CMTM4: variants seen among roughly 807,000 people sequenced by gnomAD.
CMTM4 encodes CKLF like MARVEL transmembrane domain containing 4.
Under a neutral mutation model 19.0 loss-of-function variants are expected in CMTM4, and 8 were observed. That is an observed-to-expected ratio of 0.42 (90% CI 0.25 to 0.76). CMTM4 has a LOEUF of 0.76. CMTM4 is among the 30% of genes least tolerant of loss of function. CMTM4 has a pLI of 0.27. For missense variants in CMTM4, 228 were observed against 290.2 expected, an observed-to-expected ratio of 0.79 and a Z score of 1.56; for synonymous variants, 106 against 121.1, an observed-to-expected ratio of 0.88 and a Z score of 0.82.
intron 2 of CMTM4, among the ~76,000 whole-genome samples, chr16:66,634,559 G>C (rs915831881): frequency 6.6e-6 from 1 of 152,234 alleles, no homozygotes; most frequent in East Asian, 1.9e-4. Context: ...ATGGCTGTCA[G>C]ATAAATGGAC....
chr16:66,685,746 C>T lies in CMTM4; in HGVS notation c.186+10594G>A, dbSNP rs942526740. Among the ~76,000 whole-genome samples, 4 of 152,252 alleles carry T rather than the reference C, an allele frequency of 2.6e-5. No individual in the cohort carries two copies. In the East Asian group the frequency reaches 5.8e-4, roughly 22 times the overall value. On this transcript the variant is annotated intron_variant, in intron 1 of 3. Transcript: ENST00000394106. The stretch of plus-strand genomic sequence containing the variant: ...GCAACCTCCGCCTCCCAGGTTCAAG[C>T]GATTCTCGTGCCTCAGCCTCCTGAG...
chr16:66,620,474 C>G lies in CMTM4; in HGVS notation c.*1584G>C. On this transcript the variant is annotated 3_prime_UTR_variant, in exon 4 of 4. Transcript: ENST00000394106. ...AGGAAGCTAACCCCAACTCCGACCC[C>G]CAGCCCAGCAGTGTTGCCTGATCAA... is the stretch of plus-strand genomic sequence containing the variant. The G allele has an allele frequency of 1.0e-6, 1 of 985,504 alleles. No individual in the cohort carries two copies. The highest frequency in any genetic ancestry group is 4.7e-5 in the South Asian group (1 of 21,284). 61.0% of individuals were successfully genotyped at this position (985,504 alleles called of 1,614,324 possible). A position where few individuals can be genotyped will look rare whatever the true frequency, so the allele number is the denominator to read the frequency against.
intron 1 of CMTM4, among the ~76,000 whole-genome samples, chr16:66,690,495 C>T (rs1157593721): frequency 6.6e-6 from 1 of 152,130 alleles, no homozygotes. Context: ...CATATGATTT[C>T]TATAATGTAT....
chr16:66,632,266 C>T (rs1009800607), intron 2 of CMTM4, among the ~76,000 whole-genome samples: 5 of 152,166 alleles, frequency 3.3e-5, no homozygotes, highest in Non-Finnish European at 5.9e-5. Context: ...TCTAGGAACA[C>T]GGAGGCCCCG....
rs986268855 is a variant in CMTM4 at position 66,620,386 on chromosome 16, G to A, written c.*1672C>T. 5 of 985,364 alleles carry A rather than the reference G, an allele frequency of 5.1e-6. No homozygotes were observed. The highest frequency in any genetic ancestry group is 1.0e-3 in the Middle Eastern group (2 of 1,936). The allele number at this position is 985,364 out of a possible 1,614,324, so 61.0% of individuals were successfully genotyped here. On this transcript the variant is annotated 3_prime_UTR_variant, in exon 4 of 4. Coordinates refer to ENST00000394106, the MANE Select transcript of CMTM4 (RefSeq NM_181521.3). ...CAGGGTCAGCCCCTGAGGCAGACGT[G>A]GTGCTCAGCCACATAGCCTGGGACA...
chr16:66,618,500 T>C lies in CMTM4; in HGVS notation c.*3558A>G. On this transcript the variant is annotated 3_prime_UTR_variant, in exon 4 of 4. Coordinates refer to ENST00000394106, the MANE Select transcript of CMTM4 (RefSeq NM_181521.3). Reference sequence around the variant, plus strand: ...GGCACAGAAAGGGATTAGACCTCAGTCCACCTCTCAGAGCACATGGATAGG... The same window carrying C: ...GGCACAGAAAGGGATTAGACCTCAGCCCACCTCTCAGAGCACATGGATAGG... 2.0e-6 allele frequency: 2 copies of C among 985,490 alleles called. No homozygotes were observed. Among genetic ancestry groups the C allele is most frequent in the Non-Finnish European group, 2.4e-6 (2 of 829,960 alleles). 61.0% of individuals were successfully genotyped at this position (985,490 alleles called of 1,614,324 possible).
chr16:66,677,942 C>T (rs1375767004), intron 1 of CMTM4, among the ~76,000 whole-genome samples: 1 of 152,266 alleles, frequency 6.6e-6, no homozygotes, highest in Middle Eastern at 3.4e-3. Flanking sequence ...AGGTCATTTG[C>T]CCGCCTCAGC....
At chr16:66,634,238 G>T (rs923810865) in intron 2 of CMTM4, among the ~76,000 whole-genome samples, 8 of 152,128 alleles carry the variant, frequency 5.3e-5, no homozygotes, top group African/African-American at 1.9e-4. Flanking sequence ...TCAGGTGTTT[G>T]AAACCAGCCT....
At chr16:66,608,592 A>G in the CMTM4 span, 3 of 875,884 alleles carry the variant, frequency 3.4e-6, no homozygotes, top group Non-Finnish European at 5.2e-6. This position sits in a 1 kb window ranked among gnomAD's most constrained non-coding sequence, Gnocchi z 5.1. Flanking sequence ...TTAGAACTGG[A>G]TGGAGAGACC....
downstream of CMTM4, chr16:66,613,679 AG>A (rs1159433263): frequency 6.5e-6 from 1 of 152,894 alleles, no homozygotes; most frequent in Non-Finnish European, 1.5e-5. Flanking sequence ...GAGCATTTGT[AG>A]CCTTATTCTC....
chr16:66,606,997 G>C, the CMTM4 span, among the ~76,000 whole-genome samples: 1 of 152,158 alleles, frequency 6.6e-6, no homozygotes, highest in African/African-American at 2.4e-5. Flanking sequence ...CCATCTCTGG[G>C]GCGGAGGTAA....
chr16:66,610,187 G>A (rs2290198), downstream of CMTM4: 2,651 of 720,138 alleles, frequency 3.7e-3, 58 homozygotes, highest in Admixed American at 0.041. This position sits in a 1 kb window ranked among gnomAD's most constrained non-coding sequence, Gnocchi z 4.6. Flanking sequence ...CATTCGCCTC[G>A]TGCACCCTCA....
intron 1 of CMTM4, among the ~76,000 whole-genome samples, chr16:66,648,526 C>T (rs1363289628): frequency 1.3e-5 from 2 of 150,164 alleles, no homozygotes; most frequent in Admixed American, 1.3e-4. Flanking sequence ...GGCCTGGTGG[C>T]GCATGCCTAT....
At chr16:66,689,080 C>A (rs749833725) in intron 1 of CMTM4, among the ~76,000 whole-genome samples, 17 of 152,104 alleles carry the variant, frequency 1.1e-4, no homozygotes, top group Admixed American at 2.6e-4. Flanking sequence ...ATGCCATATG[C>A]GAATAGGGAC....
At chr16:66,690,595 T>C (rs1424749400) in intron 1 of CMTM4, among the ~76,000 whole-genome samples, 2 of 152,296 alleles carry the variant, frequency 1.3e-5, no homozygotes, top group East Asian at 3.9e-4. Context: ...TAACAAGGTT[T>C]CCACCAAATA....
intron 1 of CMTM4, among the ~76,000 whole-genome samples, chr16:66,678,972 G>A (rs1417241142): frequency 2.0e-5 from 3 of 151,788 alleles, no homozygotes; most frequent in South Asian, 2.1e-4. Context: ...GGTGGTGCAC[G>A]CCTGTGGTCC....
downstream of CMTM4, among the ~76,000 whole-genome samples, chr16:66,611,436 G>A (rs1410713713): frequency 6.6e-6 from 1 of 152,006 alleles, no homozygotes; most frequent in Non-Finnish European, 1.5e-5. Flanking sequence ...GCGACAGAGT[G>A]AGACTCCATC....
intron 1 of CMTM4, among the ~76,000 whole-genome samples, chr16:66,676,903 A>C (rs2016818977): frequency 6.6e-6 from 1 of 152,182 alleles, no homozygotes; most frequent in African/African-American, 2.4e-5. Flanking sequence ...AGAGTCAGGG[A>C]CATATGTAAT....
intron 1 of CMTM4, among the ~76,000 whole-genome samples, chr16:66,685,911 C>A (rs1303907249): frequency 3.3e-5 from 5 of 152,104 alleles, no homozygotes; most frequent in Non-Finnish European, 7.4e-5. Context: ...TCTCAAAGTG[C>A]TAGGATTACA....
Sources: allele counts gnomAD v4.1 joint callset (sites outside exome capture counted in the v4.1 genomes callset), GRCh38; gene constraint gnomAD v4.1.1; non-coding constraint Gnocchi (gnomAD v3.1); transcripts MANE v1.5; gene names NCBI Gene and HGNC (gene_info 2026-07-23, HGNC 2026-07-21).